GLMN: variants seen among roughly 807,000 people sequenced by gnomAD.
GLMN encodes the protein glomulin.
Under a neutral mutation model 87.8 loss-of-function variants are expected in GLMN, and 75 were observed. The ratio of observed to expected loss-of-function variants is 0.85; its 90% CI spans 0.71 to 1.04. The LOEUF (loss-of-function observed/expected upper bound fraction) is 1.04. GLMN is among the 50% of genes least tolerant of loss of function. The pLI is 0.00. For missense variants in GLMN, 588 were observed against 658.8 expected (o/e 0.89, Z 1.18); for synonymous variants, 206 against 221.6 (o/e 0.93, Z 0.63).
At chr1:92,367,555 C>G in the GLMN span, among the ~76,000 whole-genome samples, 1 of 152,120 alleles carries the variant, frequency 6.6e-6, no homozygotes, top group East Asian at 1.9e-4. Context: ...TCTTTTCAGC[C>G]CAATGTTATC....
intron 11 of GLMN, among the ~76,000 whole-genome samples, chr1:92,267,049 T>C (rs924136028): frequency 6.6e-6 from 1 of 152,128 alleles, no homozygotes; most frequent in Non-Finnish European, 1.5e-5. Context: ...TTAAAAACAA[T>C]CAAACAATAT....
the GLMN span, among the ~76,000 whole-genome samples, chr1:92,309,574 T>C: frequency 3.0e-3 from 29 of 9,814 alleles, no homozygotes; most frequent in East Asian, 0.062. Context: ...CATACACATA[T>C]ACATATACAT....
intron 4 of GLMN, 142 bp downstream of exon 4, chr1:92,291,276 G>T: frequency 1.3e-6 from 1 of 743,474 alleles, no homozygotes; most frequent in South Asian, 1.7e-5. Flanking sequence ...CAATCAATAA[G>T]ACTGGGTCTT....
intron 7 of GLMN, among the ~76,000 whole-genome samples, chr1:92,275,838 G>T (rs1221854333): frequency 6.6e-6 from 1 of 151,902 alleles, no homozygotes; most frequent in Non-Finnish European, 1.5e-5. Flanking sequence ...TTCCTTCTTG[G>T]GCTCATTTTA....
the GLMN span, among the ~76,000 whole-genome samples, chr1:92,320,432 C>T: frequency 6.6e-6 from 1 of 152,074 alleles, no homozygotes; most frequent in African/African-American, 2.4e-5. Flanking sequence ...ACCGCCATGT[C>T]CAGCTAATTT....
the GLMN span, among the ~76,000 whole-genome samples, chr1:92,335,325 C>G: frequency 6.6e-6 from 1 of 152,130 alleles, no homozygotes; most frequent in African/African-American, 2.4e-5. Context: ...GGGATTATTA[C>G]TATTCTTTCT....
intron 3 of GLMN, among the ~76,000 whole-genome samples, chr1:92,296,295 A>G (rs1246265427): frequency 6.6e-6 from 1 of 152,200 alleles, no homozygotes; most frequent in Admixed American, 6.5e-5. Flanking sequence ...TCATGCTGCT[A>G]TGAAAAAATA....
At chr1:92,300,143 G>A (rs767282508), upstream of GLMN, 5 of 1,287,252 alleles carry the variant, frequency 3.9e-6, no homozygotes, top group East Asian at 2.3e-5. Context: ...TATGCTGTCC[G>A]TCGTTTACGG....
rs1398155964 is a variant in GLMN at position 92,292,727 on chromosome 1, CTTTTCT to C, written c.166-1196_166-1191del. ...CGTGAGCCACCGCACCCCGTCTTTTCTTTTCTTTTTTTTTTTTTTTTTAAGCATGGT... is the reference window on the plus strand; with the variant it reads ...CGTGAGCCACCGCACCCCGTCTTTTCTTTTTTTTTTTTTTTTAAGCATGGT... On this transcript the variant is annotated intron_variant, in intron 3 of 18. Transcript: ENST00000370360. Among the ~76,000 whole-genome samples the C allele has an allele frequency of 5.4e-3, 694 of 128,764 alleles. 1 individual carries two copies. Among genetic ancestry groups the C allele is most frequent in the African/African-American group, 0.018 (660 of 36,558 alleles). The allele number at this position is 128,764 out of a possible 152,430, so 84.5% of individuals were successfully genotyped here. A position where few individuals can be genotyped will look rare whatever the true frequency, so the allele number is the denominator to read the frequency against.
chr1:92,298,797 C>T (rs959377239), intron 1 of GLMN, 128 bp downstream of exon 1: 8 of 353,666 alleles, frequency 2.3e-5, no homozygotes, highest in Non-Finnish European at 3.6e-5. Flanking sequence ...TCTTCCGATT[C>T]CTGCTCGCCT....
the GLMN span, among the ~76,000 whole-genome samples, chr1:92,335,921 TA>T: frequency 6.6e-6 from 1 of 152,204 alleles, no homozygotes; most frequent in Non-Finnish European, 1.5e-5. Flanking sequence ...AAACTGTTAA[TA>T]TATATTGTCA....
chr1:92,262,347 T>C (rs1655152325), intron 16 of GLMN, among the ~76,000 whole-genome samples: 1 of 152,236 alleles, frequency 6.6e-6, no homozygotes. Flanking sequence ...GTTTTCTATT[T>C]ATTGAATACT....
At chr1:92,359,431 G>A in the GLMN span, among the ~76,000 whole-genome samples, 3 of 152,072 alleles carry the variant, frequency 2.0e-5, no homozygotes, top group African/African-American at 4.8e-5. Context: ...GCAATTCTCC[G>A]GCCTCAGCCT....
chr1:92,268,024 G>C, intron 10 of GLMN, 22 bp from the exon 11 acceptor site: 1 of 1,393,940 alleles, frequency 7.2e-7, no homozygotes, highest in Non-Finnish European at 1.0e-6. Flanking sequence ...AATATATGCA[G>C]ATACATATAT....
chr1:92,312,849 T>C, the GLMN span, among the ~76,000 whole-genome samples: 524 of 150,948 alleles, frequency 3.5e-3, 4 homozygotes, highest in Non-Finnish European at 5.8e-3. Context: ...TCAGACAGAG[T>C]CTCACTCTGT....
At chr1:92,324,991 GCTTCT>G in the GLMN span, among the ~76,000 whole-genome samples, 1 of 152,102 alleles carries the variant, frequency 6.6e-6, no homozygotes, top group African/African-American at 2.4e-5. Flanking sequence ...ACTATTAATA[GCTTCT>G]CTTGCTCAAT....
the GLMN span, among the ~76,000 whole-genome samples, chr1:92,335,039 A>T: frequency 6.6e-6 from 1 of 152,094 alleles, no homozygotes; most frequent in Non-Finnish European, 1.5e-5. Flanking sequence ...GCTACTACTC[A>T]GGAGGCTGAA....
At chr1:92,297,930 G>A (rs370484165) in intron 2 of GLMN, 31 bp downstream of exon 2, 1 of 1,000,852 alleles carries the variant, frequency 1.0e-6, no homozygotes, top group African/African-American at 1.6e-5. Context: ...TATTTTGAAA[G>A]GTATTTAATT....
chr1:92,278,592 T>C (rs759879858), intron 7 of GLMN, among the ~76,000 whole-genome samples: 4 of 152,204 alleles, frequency 2.6e-5, no homozygotes, highest in Admixed American at 6.5e-5. Flanking sequence ...AAAAGACTAC[T>C]GTATTTTTCA....
Sources: allele counts gnomAD v4.1 joint callset (sites outside exome capture counted in the v4.1 genomes callset), GRCh38; gene constraint gnomAD v4.1.1; transcripts MANE v1.5; gene names NCBI Gene and HGNC (gene_info 2026-07-23, HGNC 2026-07-21).